The following ACER3 variants were observed in gnomAD, a reference collection of about 807,000 sequenced individuals.
ACER3 encodes the protein alkCDase 3.
In ACER3, 16 loss-of-function variants were observed where a neutral mutation model predicts 48.9. That is an observed-to-expected ratio of 0.33 (90% confidence interval 0.22 to 0.50). The LOEUF is 0.50. Ranked by LOEUF, ACER3 falls within the 20% of genes least tolerant of loss-of-function variation. The pLI is 0.98. For missense variants in ACER3, 227 were observed against 326.0 expected (o/e 0.70, Z 2.34); for synonymous variants, 109 against 107.8 (o/e 1.01, Z -0.07).
chr11:76,983,978 TG>T (rs1948638567), intron 4 of ACER3, among the ~76,000 whole-genome samples: 1 of 151,960 alleles, frequency 6.6e-6, no homozygotes, highest in Admixed American at 6.6e-5. Context: ...TTAGTAGAGA[TG>T]GGGTTTCACT....
intron 1 of ACER3, among the ~76,000 whole-genome samples, chr11:76,893,659 CAG>C (rs763817993): frequency 1.3e-5 from 2 of 151,888 alleles, no homozygotes; most frequent in Admixed American, 6.6e-5. Context: ...TCTCAAAAAA[CAG>C]AGAGAGAGAG....
intron 1 of ACER3, among the ~76,000 whole-genome samples, chr11:76,872,987 C>G (rs1209733635): frequency 3.1e-5 from 4 of 130,590 alleles, no homozygotes; most frequent in Non-Finnish European, 6.2e-5. Context: ...TCATAGCTTA[C>G]TGTAACCTCA....
rs398016733 is a variant in ACER3 at position 76,952,668 on chromosome 11, C to CT, written c.215-6294dup. Among the ~76,000 whole-genome samples, 108 of 133,000 alleles carry CT rather than the reference C, an allele frequency of 8.1e-4. 2 individuals carry two copies. The highest frequency in any genetic ancestry group is 3.6e-3 in the East Asian group (16 of 4,412). 87.3% of individuals were successfully genotyped at this position (133,000 alleles called of 152,430 possible). On this transcript the variant is annotated intron_variant, in intron 2 of 10. Coordinates refer to ENST00000532485, the MANE Select transcript of ACER3 (RefSeq NM_018367.7). The stretch of plus-strand genomic sequence containing the variant: ...TGGCTATAGAAGTTACGTAAGATTT[C>CT]TTTTTTTTTTTTTTTTTAGACAGAG...
intron 7 of ACER3, among the ~76,000 whole-genome samples, chr11:77,006,517 G>T (rs1053587683): frequency 6.6e-6 from 1 of 151,570 alleles, no homozygotes; most frequent in East Asian, 1.9e-4. Flanking sequence ...TTTAGGGTAG[G>T]TCTCCTGGAA....
chr11:76,990,774 G>A (rs61900125), intron 6 of ACER3, among the ~76,000 whole-genome samples, 200 bp downstream of exon 6: 125 of 152,084 alleles, frequency 8.2e-4, no homozygotes, highest in Non-Finnish European at 1.1e-3. Flanking sequence ...AATATACCTG[G>A]GATAGCCAAT....
intron 1 of ACER3, among the ~76,000 whole-genome samples, chr11:76,889,791 A>G (rs1565160994): frequency 6.6e-6 from 1 of 150,386 alleles, no homozygotes; most frequent in East Asian, 2.0e-4. Flanking sequence ...TTCCTTCTAA[A>G]TTTACTTTTT....
intron 5 of ACER3, among the ~76,000 whole-genome samples, chr11:76,986,257 A>G (rs771594471): frequency 2.6e-5 from 4 of 152,210 alleles, no homozygotes; most frequent in Non-Finnish European, 5.9e-5. Flanking sequence ...AGCAGTTGCT[A>G]TCTGTGAGGA....
chr11:76,876,217 C>G (rs1049858865), intron 1 of ACER3, among the ~76,000 whole-genome samples: 1 of 152,068 alleles, frequency 6.6e-6, no homozygotes, highest in Non-Finnish European at 1.5e-5. Flanking sequence ...TGCCCCTTCT[C>G]TGTTAATCCC....
At position 76,914,397 on chromosome 11, in the gene ACER3, C is replaced by T. The variant is rs191025074; in HGVS notation, c.104-12160C>T. 6.8e-4 allele frequency among the ~76,000 whole-genome samples: 103 copies of T among 152,280 alleles called. 2 individuals carry two copies. Among genetic ancestry groups the T allele is most frequent in the Admixed American group, 7.2e-4 (11 of 15,288 alleles). On this transcript the variant is annotated intron_variant, in intron 1 of 10. Transcript: ENST00000532485. ...AAAGTGGGCGAAGGATATGAACAGA[C>T]ACTTCTCAAAAGAAGACATTTATGC...
rs1242995287 is a variant in ACER3 at position 76,952,131 on chromosome 11, TATATATATAC to T, written c.215-6846_215-6837del. On this transcript the variant is annotated intron_variant, in intron 2 of 10. Coordinates refer to ENST00000532485, the MANE Select transcript of ACER3 (RefSeq NM_018367.7). ...ATAAATGTTCAGAAAAAATATTATATATATATATACACACACACACACACACACACACACA... is the reference window on the plus strand; with the variant it reads ...ATAAATGTTCAGAAAAAATATTATATACACACACACACACACACACACACA... 1.2e-4 allele frequency among the ~76,000 whole-genome samples: 7 copies of T among 58,074 alleles called. No individual in the cohort carries two copies. The East Asian group carries it at 4.8e-3, about 40-fold the overall frequency. The allele number at this position is 58,074 out of a possible 152,430, so 38.1% of individuals were successfully genotyped here.
chr11:77,016,925 G>A, intron 9 of ACER3, 146 bp downstream of exon 9: 1 of 432,172 alleles, frequency 2.3e-6, no homozygotes, highest in African/African-American at 2.0e-5. Context: ...ACAACCGCTG[G>A]GTCAAAGAAG....
At chr11:76,972,534 GTTTTC>G (rs1017291377) in intron 3 of ACER3, among the ~76,000 whole-genome samples, 1 of 151,780 alleles carries the variant, frequency 6.6e-6, no homozygotes, top group Admixed American at 6.6e-5. Flanking sequence ...TCTTCTGTGA[GTTTTC>G]TTTTCACTTT....
intron 2 of ACER3, among the ~76,000 whole-genome samples, chr11:76,930,089 C>T (rs1946953284): frequency 6.6e-6 from 1 of 151,816 alleles, no homozygotes; most frequent in Non-Finnish European, 1.5e-5. Context: ...GCTGTGAGTC[C>T]GTCTGGTCCT....
intron 3 of ACER3, among the ~76,000 whole-genome samples, chr11:76,962,148 C>T (rs1193064932): frequency 6.6e-6 from 1 of 150,450 alleles, no homozygotes; most frequent in Non-Finnish European, 1.5e-5. Flanking sequence ...CTCCCAGGTT[C>T]AAGTGATTCT....
intron 7 of ACER3, among the ~76,000 whole-genome samples, chr11:77,005,130 C>T (rs1333242082): frequency 1.2e-4 from 18 of 151,046 alleles, no homozygotes; most frequent in South Asian, 6.3e-4. Flanking sequence ...CTCCGCCTCC[C>T]GGGTTCACGC....
intron 1 of ACER3, among the ~76,000 whole-genome samples, chr11:76,915,435 C>A (rs1376670580): frequency 2.0e-5 from 3 of 151,880 alleles, no homozygotes; most frequent in African/African-American, 4.8e-5. Flanking sequence ...GTGGAGCGTA[C>A]CCACCCCCCC....
chr11:76,944,317 A>C (rs1430025188), intron 2 of ACER3, among the ~76,000 whole-genome samples: 2 of 151,766 alleles, frequency 1.3e-5, no homozygotes, highest in Non-Finnish European at 2.9e-5. Flanking sequence ...TTATATTTTC[A>C]TGTGTTTTCA....
chr11:76,895,580 G>A (rs1296061900), intron 1 of ACER3, among the ~76,000 whole-genome samples: 1 of 152,168 alleles, frequency 6.6e-6, no homozygotes, highest in Non-Finnish European at 1.5e-5. Context: ...TATACATGTA[G>A]ACAAGCTAGT....
chr11:76,953,326 C>T (rs1456202193), intron 2 of ACER3, among the ~76,000 whole-genome samples: 1 of 152,044 alleles, frequency 6.6e-6, no homozygotes, highest in African/African-American at 2.4e-5. Flanking sequence ...TGGCTGGGTG[C>T]GGTGGCTTAC....
Sources: gnomAD v4.1 joint callset for allele counts (sites outside exome capture counted in the v4.1 genomes callset) on GRCh38, gnomAD v4.1.1 for gene constraint, MANE v1.5 for transcripts, NCBI Gene and HGNC (gene_info 2026-07-23, HGNC 2026-07-21) for gene names.